Variants in CNTLN observed in about 807,000 individuals in gnomAD.
CNTLN encodes the protein centlein, also known as centlein, centrosomal protein.
CNTLN carries 212 observed loss-of-function variants against 180.0 expected under a neutral mutation model. That is an observed-to-expected ratio of 1.18 (90% CI 1.05 to 1.32). The LOEUF is 1.32. Among genes scored for constraint, CNTLN ranks in the 40% most tolerant of loss-of-function variants. CNTLN has a pLI of 0.00. For missense variants in CNTLN, 2,095 were observed against 1,610.9 expected, an observed-to-expected ratio of 1.30 and a Z score of -5.14; for synonymous variants, 722 against 563.1, an observed-to-expected ratio of 1.28 and a Z score of -3.99.
At chr9:17,521,501 G>A in the CNTLN span, among the ~76,000 whole-genome samples, 7 of 152,136 alleles carry the variant, frequency 4.6e-5, no homozygotes, top group African/African-American at 1.7e-4. Flanking sequence ...TCACTCTTGA[G>A]TATGTCTGGT....
At chr9:17,268,058 A>T (rs1827626797) in intron 5 of CNTLN, among the ~76,000 whole-genome samples, 1 of 152,066 alleles carries the variant, frequency 6.6e-6, no homozygotes, top group African/African-American at 2.4e-5. Flanking sequence ...TTCTCCATCC[A>T]GCTTTGTTCC....
At chr9:17,248,808 A>G (rs939275302) in intron 5 of CNTLN, among the ~76,000 whole-genome samples, 7 of 151,662 alleles carry the variant, frequency 4.6e-5, no homozygotes, top group Non-Finnish European at 1.0e-4. Flanking sequence ...AGTCAGTAAC[A>G]AAAAGTCTTC....
At chr9:17,236,388 C>A in intron 4 of CNTLN, 21 bp from the exon 5 acceptor site, 1 of 1,522,942 alleles carries the variant, frequency 6.6e-7, no homozygotes, top group Non-Finnish European at 8.8e-7. Flanking sequence ...ATTTATTTGC[C>A]CTTGTGGTAC....
At chr9:17,157,683 G>A (rs928138497) in intron 2 of CNTLN, among the ~76,000 whole-genome samples, 1 of 152,308 alleles carries the variant, frequency 6.6e-6, no homozygotes, top group Non-Finnish European at 1.5e-5. Context: ...CATGAAGGCT[G>A]AGGAAAGTTG....
chr9:17,308,135 A>T (rs1419790812), intron 7 of CNTLN, among the ~76,000 whole-genome samples: 1 of 152,108 alleles, frequency 6.6e-6, no homozygotes, highest in Non-Finnish European at 1.5e-5. Flanking sequence ...ATACATTAGG[A>T]TCAAGTTCAC....
At chr9:17,265,675 T>C (rs1045578190) in intron 5 of CNTLN, among the ~76,000 whole-genome samples, 2 of 152,154 alleles carry the variant, frequency 1.3e-5, no homozygotes, top group African/African-American at 2.4e-5. Flanking sequence ...TCCTGGACTC[T>C]TTTTGGTTGG....
At chr9:17,357,214 T>C (rs4961542) in intron 12 of CNTLN, among the ~76,000 whole-genome samples, 88,866 of 151,718 alleles carry the variant, frequency 0.59, 26,336 homozygotes, top group East Asian at 0.73. Flanking sequence ...GAATAATGTT[T>C]CATTTTATGT....
At chr9:17,498,610 A>G (rs1217291954) in intron 25 of CNTLN, among the ~76,000 whole-genome samples, 1 of 152,196 alleles carries the variant, frequency 6.6e-6, no homozygotes, top group African/African-American at 2.4e-5. Flanking sequence ...AATTTCACTC[A>G]GTATGAAATC....
At chr9:17,379,403 C>T (rs1825045595) in intron 13 of CNTLN, among the ~76,000 whole-genome samples, 1 of 150,724 alleles carries the variant, frequency 6.6e-6, no homozygotes, top group African/African-American at 2.4e-5. Context: ...ACACTTTGCC[C>T]TGCAAACTCT....
intron 2 of CNTLN, among the ~76,000 whole-genome samples, chr9:17,210,134 T>C (rs1823190230): frequency 6.6e-6 from 1 of 152,226 alleles, no homozygotes; most frequent in Admixed American, 6.5e-5. Flanking sequence ...TACATATGTA[T>C]ACATGTGCCA....
At chr9:17,236,151 A>G (rs1825127929) in intron 4 of CNTLN, among the ~76,000 whole-genome samples, 1 of 152,140 alleles carries the variant, frequency 6.6e-6, no homozygotes. Context: ...GACAGCATCA[A>G]AGGCAGCTTG....
At chr9:17,414,293 C>T (rs910365780) in intron 16 of CNTLN, among the ~76,000 whole-genome samples, 1 of 152,168 alleles carries the variant, frequency 6.6e-6, no homozygotes, top group Non-Finnish European at 1.5e-5. Flanking sequence ...GTTAGAAATA[C>T]ACTTTAAGTG....
intron 23 of CNTLN, among the ~76,000 whole-genome samples, chr9:17,470,101 C>A (rs530278741): frequency 1.3e-5 from 2 of 151,906 alleles, no homozygotes; most frequent in South Asian, 4.2e-4. Flanking sequence ...TTGTATTTTT[C>A]TTTCTGTTTC....
At chr9:17,161,424 C>G (rs973189982) in intron 2 of CNTLN, among the ~76,000 whole-genome samples, 7 of 152,030 alleles carry the variant, frequency 4.6e-5, no homozygotes, top group South Asian at 2.1e-4. Context: ...TGTATTTTGT[C>G]TTTAAATGCA....
intron 8 of CNTLN, among the ~76,000 whole-genome samples, chr9:17,311,758 A>C (rs1449084145): frequency 6.6e-6 from 1 of 152,084 alleles, no homozygotes; most frequent in Non-Finnish European, 1.5e-5. Flanking sequence ...GCAGTGAGCC[A>C]AGATTGCGCC....
At chr9:17,335,371 G>C (rs1185806726) in intron 10 of CNTLN, among the ~76,000 whole-genome samples, 2 of 152,084 alleles carry the variant, frequency 1.3e-5, no homozygotes, top group African/African-American at 4.8e-5. Flanking sequence ...ACAAAAATTA[G>C]CTGGGTGTGG....
intron 12 of CNTLN, among the ~76,000 whole-genome samples, chr9:17,357,711 G>T (rs4961543): frequency 0.59 from 87,782 of 150,050 alleles, 25,985 homozygotes; most frequent in East Asian, 0.73. Flanking sequence ...TGAAAAGACA[G>T]CAAAGTTACT....
chr9:17,383,162 C>G (rs1825395069), intron 13 of CNTLN, among the ~76,000 whole-genome samples: 1 of 151,986 alleles, frequency 6.6e-6, no homozygotes, highest in African/African-American at 2.4e-5. Context: ...TATATACACA[C>G]ACAAATATAT....
At chr9:17,177,797 C>T (rs559027021) in intron 2 of CNTLN, among the ~76,000 whole-genome samples, 10 of 152,196 alleles carry the variant, frequency 6.6e-5, no homozygotes, top group South Asian at 2.1e-4. Context: ...TGAGCAGCAG[C>T]GAGATTTATT....
Sources: allele counts gnomAD v4.1 joint callset (sites outside exome capture counted in the v4.1 genomes callset), GRCh38; gene constraint gnomAD v4.1.1; transcripts MANE v1.5; gene names NCBI Gene and HGNC (gene_info 2026-07-23, HGNC 2026-07-21).